Variants in SAMD5 observed in about 807,000 individuals in gnomAD.
SAMD5 encodes the protein sterile alpha motif domain-containing protein 5.
Under a neutral mutation model 11.3 loss-of-function variants are expected in SAMD5, and 13 were observed. The observed-to-expected ratio is 1.15, with a 90% confidence interval of 0.75 to 1.83. SAMD5 has a LOEUF of 1.83. Ranked by LOEUF, SAMD5 falls within the 40% of genes most tolerant of loss-of-function variation. The pLI is 0.00. For synonymous variants in SAMD5, 129 were observed against 111.3 expected (o/e 1.16, Z -1.00); for missense variants, 255 against 239.1 (o/e 1.07, Z -0.44).
intron 1 of SAMD5, among the ~76,000 whole-genome samples, chr6:147,717,271 C>A (rs1029604536): frequency 6.6e-6 from 1 of 152,180 alleles, no homozygotes; most frequent in Non-Finnish European, 1.5e-5. Flanking sequence ...TAATTTCTTT[C>A]CAAAATGGAC....
the SAMD5 span, among the ~76,000 whole-genome samples, chr6:147,908,385 A>C: frequency 6.6e-6 from 1 of 152,196 alleles, no homozygotes; most frequent in Non-Finnish European, 1.5e-5. Flanking sequence ...CTCATGCTAC[A>C]TGAAATGCTG....
At chr6:147,807,457 A>C in the SAMD5 span, among the ~76,000 whole-genome samples, 2 of 152,206 alleles carry the variant, frequency 1.3e-5, no homozygotes, top group African/African-American at 4.8e-5. Context: ...AGGGCAACCG[A>C]AGCAGATGAA....
chr6:147,522,457 G>A (rs1015992068), intron 1 of SAMD5, among the ~76,000 whole-genome samples: 5 of 151,900 alleles, frequency 3.3e-5, no homozygotes, highest in Admixed American at 1.3e-4. Flanking sequence ...AAAAATAATC[G>A]AGAGCTTTTT....
the SAMD5 span, among the ~76,000 whole-genome samples, chr6:147,887,353 A>G: frequency 1.3e-5 from 2 of 152,094 alleles, no homozygotes; most frequent in Non-Finnish European, 2.9e-5. Flanking sequence ...GACCCCCATT[A>G]CCATCCAACC....
intron 1 of SAMD5, among the ~76,000 whole-genome samples, chr6:147,701,778 T>C (rs1791256856): frequency 6.6e-6 from 1 of 152,230 alleles, no homozygotes; most frequent in Non-Finnish European, 1.5e-5. Context: ...TCCCTTAATA[T>C]GCTTGCCAAA....
At chr6:147,825,021 A>G in the SAMD5 span, among the ~76,000 whole-genome samples, 3 of 152,194 alleles carry the variant, frequency 2.0e-5, no homozygotes, top group East Asian at 5.8e-4. Flanking sequence ...AGGGCTGGGG[A>G]CGGTGACTCA....
the SAMD5 span, among the ~76,000 whole-genome samples, chr6:147,923,059 T>TA: frequency 3.9e-3 from 588 of 151,650 alleles, 6 homozygotes; most frequent in African/African-American, 0.013. Flanking sequence ...GTAACGATGA[T>TA]AAAAAAAAAT....
At chr6:147,610,871 AT>A (rs35348058) in intron 1 of SAMD5, among the ~76,000 whole-genome samples, 1,591 of 142,458 alleles carry the variant, frequency 0.011, 21 homozygotes, top group African/African-American at 0.037. Flanking sequence ...AAAAGCCAGA[AT>A]TTTTTTTTTT....
At position 147,565,485 on chromosome 6, in the gene SAMD5, G is replaced by A. The variant is rs1789022748; in HGVS notation, c.*1029G>A. The A allele has an allele frequency of 3.3e-6, 3 of 910,762 alleles. No individual in the cohort carries two copies. Among genetic ancestry groups the A allele is most frequent in the Admixed American group, 1.3e-4 (2 of 15,746 alleles). 56.4% of individuals were successfully genotyped at this position (910,762 alleles called of 1,614,324 possible). ...GGTAGTTTTTTTTTTTTTAGACAGAGTCTCGCTCTGTCACCCAGGCTGGAG... is the reference window on the plus strand; with the variant it reads ...GGTAGTTTTTTTTTTTTTAGACAGAATCTCGCTCTGTCACCCAGGCTGGAG... On this transcript the variant is annotated 3_prime_UTR_variant, in exon 2 of 2. Transcript: ENST00000367474.
chr6:147,882,232 G>T, the SAMD5 span, among the ~76,000 whole-genome samples: 1 of 152,016 alleles, frequency 6.6e-6, no homozygotes, highest in Non-Finnish European at 1.5e-5. Context: ...TTATCTTGTT[G>T]ATTCTCCCAA....
At chr6:147,909,580 C>A in the SAMD5 span, among the ~76,000 whole-genome samples, 1 of 60,832 alleles carries the variant, frequency 1.6e-5, no homozygotes, top group African/African-American at 1.1e-4. Flanking sequence ...TTCTTTCTTT[C>A]TTTCTTTCTT....
the SAMD5 span, among the ~76,000 whole-genome samples, chr6:147,818,848 G>T: frequency 6.6e-6 from 1 of 152,070 alleles, no homozygotes; most frequent in Admixed American, 6.5e-5. Flanking sequence ...AGTCCTACAT[G>T]GTTAATTTTA....
At chr6:147,882,728 A>G in the SAMD5 span, among the ~76,000 whole-genome samples, 1 of 152,256 alleles carries the variant, frequency 6.6e-6, no homozygotes, top group African/African-American at 2.4e-5. Context: ...TGTGAGGACC[A>G]ATAAAATGTT....
At chr6:147,607,511 C>T (rs1040971943) in intron 1 of SAMD5, among the ~76,000 whole-genome samples, 3 of 151,958 alleles carry the variant, frequency 2.0e-5, no homozygotes, top group Admixed American at 2.0e-4. Flanking sequence ...AATGGAGAAC[C>T]CAGAAACATG....
chr6:147,864,175 T>C, the SAMD5 span, among the ~76,000 whole-genome samples: 2 of 152,134 alleles, frequency 1.3e-5, no homozygotes, highest in Non-Finnish European at 2.9e-5. Context: ...ATAAACATCA[T>C]CTTCACCTAT....
chr6:147,799,381 A>T, the SAMD5 span, among the ~76,000 whole-genome samples: 3 of 152,018 alleles, frequency 2.0e-5, no homozygotes, highest in Admixed American at 1.3e-4. Context: ...TTCTTTAAAA[A>T]TGTTGAATAT....
intron 1 of SAMD5, chr6:147,729,612 G>A: frequency 2.9e-6 from 1 of 349,026 alleles, no homozygotes; most frequent in Non-Finnish European, 5.6e-6. Flanking sequence ...AGGAAAAGAA[G>A]AAAGCAGTGA....
the SAMD5 span, among the ~76,000 whole-genome samples, chr6:147,893,190 G>A: frequency 6.8e-6 from 1 of 147,512 alleles, no homozygotes. Flanking sequence ...CAATGAGAGC[G>A]AAACTCTGTC....
intron 1 of SAMD5, among the ~76,000 whole-genome samples, chr6:147,597,044 C>T (rs1314130285): frequency 1.3e-5 from 2 of 152,058 alleles, no homozygotes; most frequent in South Asian, 4.1e-4. Context: ...GAGCGGACAC[C>T]CAGCTGAGGA....
Sources: allele counts gnomAD v4.1 joint callset (sites outside exome capture counted in the v4.1 genomes callset), GRCh38; gene constraint gnomAD v4.1.1; transcripts MANE v1.5; gene names NCBI Gene and HGNC (gene_info 2026-07-23, HGNC 2026-07-21).